Variants in FAF1 observed in about 807,000 individuals in gnomAD.
FAF1 encodes the protein FAS-associated factor 1.
A neutral mutation model predicts 92.5 loss-of-function variants in FAF1; 25 were observed. The ratio of observed to expected loss-of-function variants is 0.27; its 90% CI spans 0.20 to 0.38. The LOEUF is 0.38. Among genes scored for constraint, FAF1 ranks in the 10% least tolerant of loss-of-function variants. The pLI is 1.00. For synonymous variants in FAF1, 234 were observed against 273.2 expected (o/e 0.86, Z 1.42); for missense variants, 636 against 793.3 (o/e 0.80, Z 2.38).
rs558455211 is a variant in FAF1, at chr1:50,632,653, C to T, written c.744+22789G>A. 7.2e-5 allele frequency among the ~76,000 whole-genome samples: 11 copies of T among 152,136 alleles called. No individual in the cohort carries two copies. The East Asian group carries it at 1.7e-3, about 24-fold the overall frequency. On this transcript the variant is annotated intron_variant, in intron 8 of 18. Coordinates refer to ENST00000396153, the MANE Select transcript of FAF1 (RefSeq NM_007051.3). ...ATGGTTCAATTTGGGGTAGTGTCTC[C>T]GATTCTTCTTGACATTTTTTGTTTT... is the stretch of plus-strand genomic sequence containing the variant.
chr1:50,770,478 T>A (rs1190337350), intron 4 of FAF1, among the ~76,000 whole-genome samples: 1 of 151,910 alleles, frequency 6.6e-6, no homozygotes, highest in Non-Finnish European at 1.5e-5. Flanking sequence ...AAGCTGAGAG[T>A]CAATTCAAGA....
chr1:50,842,809 G>T (rs1259748429), intron 2 of FAF1, among the ~76,000 whole-genome samples: 1 of 151,804 alleles, frequency 6.6e-6, no homozygotes, highest in Admixed American at 6.6e-5. Context: ...TATTCTATTT[G>T]GTTTTCTTCG....
At chr1:50,818,796 C>G (rs1011271922) in intron 2 of FAF1, among the ~76,000 whole-genome samples, 8 of 151,824 alleles carry the variant, frequency 5.3e-5, no homozygotes, top group African/African-American at 1.9e-4. Context: ...GAGATCGCGC[C>G]ACTGCACTCC....
Position 50,952,246 on chromosome 1 carries a change from T to C in FAF1, c.45+7521A>G, listed in dbSNP as rs1645220796. Among the ~76,000 whole-genome samples the C allele has an allele frequency of 5.3e-5, 8 of 152,306 alleles. No individual in the cohort carries two copies. The South Asian group carries it at 1.7e-3, about 32-fold the overall frequency. Reference sequence around the variant, plus strand: ...CCTCAGCCTGCCGAGTGCCTGGGATTGCAGGCGCGCGCCGCCACGCCTGAC... The same window carrying C: ...CCTCAGCCTGCCGAGTGCCTGGGATCGCAGGCGCGCGCCGCCACGCCTGAC... On this transcript the variant is annotated intron_variant, in intron 1 of 18. Coordinates refer to ENST00000396153, the MANE Select transcript of FAF1 (RefSeq NM_007051.3).
intron 5 of FAF1, among the ~76,000 whole-genome samples, chr1:50,740,024 C>G (rs184193875): frequency 8.7e-6 from 1 of 114,922 alleles, no homozygotes; most frequent in Non-Finnish European, 1.8e-5. Flanking sequence ...AGGAAATGCA[C>G]TTATCAACAG....
At chr1:50,790,863 A>C (rs1661538737) in intron 3 of FAF1, among the ~76,000 whole-genome samples, 1 of 152,158 alleles carries the variant, frequency 6.6e-6, no homozygotes, top group South Asian at 2.1e-4. Context: ...TAGATTACAT[A>C]GTCGACTTGG....
intron 1 of FAF1, among the ~76,000 whole-genome samples, chr1:50,951,911 G>T (rs953276643): frequency 1.3e-5 from 2 of 152,026 alleles, no homozygotes; most frequent in African/African-American, 4.8e-5. Context: ...GAAAGAAGTG[G>T]GATTCACAAC....
intron 1 of FAF1, among the ~76,000 whole-genome samples, chr1:50,912,226 G>A (rs574399034): frequency 1.8e-4 from 28 of 152,312 alleles, no homozygotes; most frequent in Admixed American, 1.6e-3. Flanking sequence ...CAGGAATGGT[G>A]TATTAAAGTG....
chr1:50,441,523 C>T lies in FAF1; in HGVS notation c.1870G>A (p.Val624Ile), dbSNP rs2148971868. 1.3e-6 allele frequency: 2 copies of T among 1,529,956 alleles called. No individual in the cohort carries two copies. The highest frequency in any genetic ancestry group is 1.4e-5 in the African/African-American group (1 of 72,588). 94.8% of individuals were successfully genotyped at this position (1,529,956 alleles called of 1,614,324 possible). A position where few individuals can be genotyped will look rare whatever the true frequency, so the allele number is the denominator to read the frequency against. ...GATTTATTTGGGTCCAGTTGAGTTACCTAAAAAGATGAAGAACACATATTC... is the reference window on the plus strand; with the variant it reads ...GATTTATTTGGGTCCAGTTGAGTTATCTAAAAAGATGAAGAACACATATTC... ...KLLSTFPRRD[V>I]TQLDPNKSLL... Residue 624 changes from valine to isoleucine, a missense_variant and splice_region_variant, in exon 19 of 19, where the codon GTA (valine) becomes ATA (isoleucine). Physicochemically the swap from Val to Ile is conservative, Grantham distance 29. Coordinates refer to ENST00000396153, the MANE Select transcript of FAF1 (RefSeq NM_007051.3).
At chr1:50,835,632 T>C (rs966039636) in intron 2 of FAF1, among the ~76,000 whole-genome samples, 2 of 151,516 alleles carry the variant, frequency 1.3e-5, no homozygotes, top group Non-Finnish European at 2.9e-5. Context: ...CAAATCTCTA[T>C]TATGAAACTG....
At chr1:50,731,217 T>A (rs1004240971) in intron 6 of FAF1, among the ~76,000 whole-genome samples, 6 of 152,174 alleles carry the variant, frequency 3.9e-5, no homozygotes, top group African/African-American at 1.4e-4. Context: ...CTGTCCACCA[T>A]GTGAAAGAAG....
rs565867686 is a variant in FAF1 at position 50,726,412 on chromosome 1, AT to A, written c.551+12450del. ...TTGCTGTTATATAAAAATGAAGAAA[AT>A]AGGCTGGGCACGGTAGCTCACGCCT... On this transcript the variant is annotated intron_variant, in intron 6 of 18. Transcript: ENST00000396153. 1.1e-4 allele frequency among the ~76,000 whole-genome samples: 17 copies of A among 152,030 alleles called. No individual in the cohort carries two copies. In the South Asian group the frequency reaches 3.5e-3, roughly 32 times the overall value.
At chr1:50,496,745 C>T (rs113502165) in intron 15 of FAF1, among the ~76,000 whole-genome samples, 7,871 of 152,114 alleles carry the variant, frequency 0.052, 249 homozygotes, top group East Asian at 0.075. Context: ...AAAAATCAGC[C>T]GGGCATGGTG....
intron 1 of FAF1, among the ~76,000 whole-genome samples, chr1:50,905,708 C>A (rs1168416877): frequency 1.3e-5 from 2 of 152,170 alleles, no homozygotes; most frequent in Non-Finnish European, 2.9e-5. Flanking sequence ...TAATATCCTT[C>A]ACCCACTTTT....
chr1:50,733,114 A>G (rs1020294970), intron 6 of FAF1, among the ~76,000 whole-genome samples: 1 of 152,166 alleles, frequency 6.6e-6, no homozygotes, highest in African/African-American at 2.4e-5. Context: ...ATGACCTAAT[A>G]AGATAACATA....
intron 9 of FAF1, among the ~76,000 whole-genome samples, chr1:50,592,796 G>C (rs967358518): frequency 2.6e-5 from 4 of 152,022 alleles, no homozygotes; most frequent in Non-Finnish European, 5.9e-5. Context: ...CAAAATGCCG[G>C]GCATGGTGGC....
intron 2 of FAF1, among the ~76,000 whole-genome samples, chr1:50,827,339 G>C (rs193176415): frequency 2.6e-5 from 4 of 152,110 alleles, no homozygotes; most frequent in African/African-American, 4.8e-5. Flanking sequence ...CCCCAACTCC[G>C]TGCCCTCTGA....
intron 4 of FAF1, among the ~76,000 whole-genome samples, chr1:50,745,644 G>A (rs1018892062): frequency 6.6e-6 from 1 of 152,136 alleles, no homozygotes; most frequent in Non-Finnish European, 1.5e-5. Flanking sequence ...CTTCTGCCAT[G>A]AGTAAAAGCT....
rs1655683884 is a variant in FAF1 at position 50,667,336 on chromosome 1, C to T, written c.658-11808G>A. Among the ~76,000 whole-genome samples the T allele has an allele frequency of 7.9e-5, 12 of 152,284 alleles. 1 individual carries two copies. The South Asian group carries it at 2.5e-3, about 32-fold the overall frequency. On this transcript the variant is annotated intron_variant, in intron 7 of 18. Coordinates refer to ENST00000396153, the MANE Select transcript of FAF1 (RefSeq NM_007051.3). ...GAATAAAAGAATATGAAGATATTCACACTATGGGCCTGCTACTTCTACTTG... is the reference window on the plus strand; with the variant it reads ...GAATAAAAGAATATGAAGATATTCATACTATGGGCCTGCTACTTCTACTTG...
Sources: gnomAD v4.1 joint callset for allele counts (sites outside exome capture counted in the v4.1 genomes callset) on GRCh38, gnomAD v4.1.1 for gene constraint, MANE v1.5 for transcripts, NCBI Gene and HGNC (gene_info 2026-07-23, HGNC 2026-07-21) for gene names.